TEX10: variants seen among roughly 807,000 people sequenced by gnomAD.
TEX10 encodes the protein testis-expressed protein 10.
A neutral mutation model predicts 104.4 loss-of-function variants in TEX10; 24 were observed. The ratio of observed to expected loss-of-function variants is 0.23; its 90% CI spans 0.17 to 0.32. TEX10 has a LOEUF of 0.32. Among genes scored for constraint, TEX10 ranks in the 10% least tolerant of loss-of-function variants. TEX10 has a pLI of 1.00. For missense variants in TEX10, 921 were observed against 1,083.9 expected, an observed-to-expected ratio of 0.85 and a Z score of 2.11; for synonymous variants, 396 against 393.4, an observed-to-expected ratio of 1.01 and a Z score of -0.08.
rs115901187 is a variant in TEX10 at position 100,304,316 on chromosome 9, T to C, written c.2466-474A>G. ...CAATCCTAAGCAAAAACAACCTGAC[T>C]TCACAGTACACTACAAGGCTACAGT... On this transcript the variant is annotated intron_variant, in intron 13 of 14. Transcript: ENST00000374902. The C allele has an allele frequency of 5.6e-3, 1,157 of 207,624 alleles. 11 individuals are homozygous for C. The highest frequency in any genetic ancestry group is 0.024 in the African/African-American group (1,053 of 43,006). The allele number at this position is 207,624 out of a possible 1,614,324, so 12.9% of individuals were successfully genotyped here.
intron 5 of TEX10, among the ~76,000 whole-genome samples, chr9:100,336,002 T>C (rs1333133472): frequency 6.6e-6 from 1 of 151,790 alleles, no homozygotes; most frequent in East Asian, 1.9e-4. Context: ...ACCCCGTCTC[T>C]ACTAGATACA....
chr9:100,346,768 G>A lies in TEX10; in HGVS notation c.819C>T (p.Ala273=), dbSNP rs1057258314. 2 of 1,614,016 alleles carry A rather than the reference G, an allele frequency of 1.2e-6. No individual in the cohort carries two copies. Among genetic ancestry groups the A allele is most frequent in the Non-Finnish European group, 1.7e-6 (2 of 1,180,016 alleles). The change falls in exon 3 of 15, where the codon GCC becomes GCT. Residue 273 remains alanine (A), a synonymous_variant. Coordinates refer to ENST00000374902, the MANE Select transcript of TEX10 (RefSeq NM_017746.4). ...AAACCTGGATGTGTTGCTGGTCGTT[G>A]GCATGTTCCTTCCAGTTGATAAAAA... ...NSIFINWKEH[A]NDQQHIQVYE...
intron 5 of TEX10, among the ~76,000 whole-genome samples, chr9:100,339,823 A>AT (rs1453101301): frequency 6.8e-6 from 1 of 147,702 alleles, no homozygotes; most frequent in Non-Finnish European, 1.5e-5. Flanking sequence ...TTTATTTCTG[A>AT]TTTTTCTCCA....
chr9:100,332,018 A>C (rs1834873746), intron 5 of TEX10, among the ~76,000 whole-genome samples: 1 of 152,230 alleles, frequency 6.6e-6, no homozygotes, highest in Admixed American at 6.5e-5. Context: ...AGGGGCAGAG[A>C]GATCTAGAAA....
rs1377926259 is a variant in TEX10, at chr9:100,320,250, TA to T, written c.2202+14del. 1.3e-6 allele frequency: 2 copies of T among 1,581,154 alleles called. No individual in the cohort carries two copies. Among genetic ancestry groups the T allele is most frequent in the Non-Finnish European group, 1.7e-6 (2 of 1,164,846 alleles). ...ATTTTAATAATTATTAGTTTCTTTT[TA>T]AATGAACTATTACCTCTGTTACATC... is the stretch of plus-strand genomic sequence containing the variant. On this transcript the variant is annotated intron_variant, in intron 11 of 14. Coordinates refer to ENST00000374902, the MANE Select transcript of TEX10 (RefSeq NM_017746.4).
chr9:100,307,099 T>C (rs1834160373), intron 13 of TEX10: 1 of 152,240 alleles, frequency 6.6e-6, no homozygotes, highest in Non-Finnish European at 1.5e-5. Flanking sequence ...GCATAAATTT[T>C]ATAGTATATT....
chr9:100,345,012 G>A (rs891233647), intron 4 of TEX10, among the ~76,000 whole-genome samples: 1 of 151,676 alleles, frequency 6.6e-6, no homozygotes, highest in Admixed American at 6.6e-5. Flanking sequence ...TTTTTTAAAG[G>A]AGCTATATAC....
chr9:100,337,096 T>C (rs1835029229), intron 5 of TEX10, among the ~76,000 whole-genome samples: 2 of 152,218 alleles, frequency 1.3e-5, no homozygotes, highest in African/African-American at 2.4e-5. Flanking sequence ...CTTTGTTACA[T>C]ACTCCTGTAT....
At chr9:100,323,683 T>G (rs541408278) in intron 9 of TEX10, among the ~76,000 whole-genome samples, 1 of 152,360 alleles carries the variant, frequency 6.6e-6, no homozygotes, top group African/African-American at 2.4e-5. Flanking sequence ...TTCTAGCTGA[T>G]GGGTTTTTAA....
intron 10 of TEX10, 41 bp from the exon 11 acceptor site, chr9:100,320,439 A>G: frequency 1.3e-6 from 2 of 1,547,334 alleles, no homozygotes; most frequent in Non-Finnish European, 1.7e-6. Flanking sequence ...AAAAAACAAA[A>G]AACAAAAAAC....
intron 13 of TEX10, 39 bp downstream of exon 13, chr9:100,308,461 C>A: frequency 2.6e-6 from 4 of 1,523,678 alleles, no homozygotes; most frequent in Non-Finnish European, 3.5e-6. Flanking sequence ...GGAGGAGGAA[C>A]AGTAGGAAAA....
chr9:100,335,483 G>C (rs1346757527), intron 5 of TEX10, among the ~76,000 whole-genome samples: 1 of 152,130 alleles, frequency 6.6e-6, no homozygotes. Context: ...TTACAGGTGT[G>C]AGCCACCACA....
chr9:100,338,106 G>A (rs938634622), intron 5 of TEX10, among the ~76,000 whole-genome samples: 1 of 152,136 alleles, frequency 6.6e-6, no homozygotes, highest in African/African-American at 2.4e-5. Flanking sequence ...GGCTTATTAG[G>A]CTCTGCCAAT....
At chr9:100,324,737 AG>A (rs1445461842) in intron 9 of TEX10, among the ~76,000 whole-genome samples, 1 of 152,248 alleles carries the variant, frequency 6.6e-6, no homozygotes, top group Non-Finnish European at 1.5e-5. Flanking sequence ...ATCAATTTCA[AG>A]AAACATTCAA....
intron 5 of TEX10, among the ~76,000 whole-genome samples, chr9:100,339,152 G>A (rs573500616): frequency 6.8e-6 from 1 of 147,000 alleles, no homozygotes; most frequent in Admixed American, 6.9e-5. Context: ...TACTTGGGAG[G>A]CTGAGGCAGC....
chr9:100,307,794 A>G (rs1485930959), intron 13 of TEX10: 1 of 152,172 alleles, frequency 6.6e-6, no homozygotes, highest in Non-Finnish European at 1.5e-5. Flanking sequence ...TTTAAACTAC[A>G]TAAATGTTTT....
At chr9:100,303,496 C>T (rs1428813479) in intron 14 of TEX10, 136 bp downstream of exon 14, 1 of 796,222 alleles carries the variant, frequency 1.3e-6, no homozygotes, top group African/African-American at 1.7e-5. Context: ...CCCTGAGAAA[C>T]TACCATATTG....
At chr9:100,332,296 C>T (rs1834882582) in intron 5 of TEX10, among the ~76,000 whole-genome samples, 1 of 152,174 alleles carries the variant, frequency 6.6e-6, no homozygotes, top group African/African-American at 2.4e-5. Context: ...CATTTCTTCC[C>T]CACAGGTAGA....
At chr9:100,350,703 C>T (rs1036243520) in intron 1 of TEX10, among the ~76,000 whole-genome samples, 6 of 152,036 alleles carry the variant, frequency 3.9e-5, no homozygotes, top group Admixed American at 1.3e-4. Flanking sequence ...ATGGGTAAAA[C>T]GAAAGTTTCC....
Sources: allele counts gnomAD v4.1 joint callset (sites outside exome capture counted in the v4.1 genomes callset), GRCh38; gene constraint gnomAD v4.1.1; transcripts MANE v1.5; gene names NCBI Gene and HGNC (gene_info 2026-07-23, HGNC 2026-07-21).